The following PPIH variants were observed in gnomAD, a reference collection of about 807,000 sequenced individuals.
PPIH encodes the protein peptidylprolyl isomerase H.
A neutral mutation model predicts 27.6 loss-of-function variants in PPIH; 16 were observed. That is an observed-to-expected ratio of 0.58 (90% CI 0.39 to 0.88). The LOEUF (loss-of-function observed/expected upper bound fraction) is 0.88, where lower values mean the gene tolerates loss of function less well. PPIH is among the 40% of genes least tolerant of loss of function. The pLI is 0.00. For missense variants in PPIH, 155 were observed against 224.1 expected (o/e 0.69, Z 1.97); for synonymous variants, 63 against 76.1 (o/e 0.83, Z 0.90).
At chr1:42,665,875 G>GA (rs1228323208) in intron 6 of PPIH, 105 bp from the exon 7 acceptor site, 11 of 941,380 alleles carry the variant, frequency 1.2e-5, no homozygotes, top group South Asian at 8.2e-5. Context: ...TAGATTTACT[G>GA]AAAAAAACCA....
In PPIH at chr1:42,658,451, C is replaced by A. The variant is rs371691239; in HGVS notation, c.5C>A (p.Ala2Glu). The A allele has an allele frequency of 6.2e-7, 1 of 1,613,772 alleles. No homozygotes were observed. Among genetic ancestry groups the A allele is most frequent in the African/African-American group, 1.3e-5 (1 of 74,924 alleles). M[A>E]VANSSPVNPV... ...TTCTGCTTCCGGGTCGGAGCCATGG[C>A]GGTGGCAAATTCAAGTCCTGTTAAC... The change falls in exon 1 of 10, where the codon GCG becomes GAG. Residue 2 changes from alanine (A) to glutamate (E), a missense_variant. Around this residue, in one of 2 missense-constraint regions of PPIH, gnomAD observed 59 missense variants for 48.8 expected, o/e 1.21. Coordinates refer to ENST00000304979, the MANE Select transcript of PPIH (RefSeq NM_006347.4).
intron 9 of PPIH, among the ~76,000 whole-genome samples, chr1:42,673,800 T>G (rs1649756813): frequency 6.6e-6 from 1 of 152,234 alleles, no homozygotes; most frequent in South Asian, 2.1e-4. Flanking sequence ...TTATTACAGC[T>G]TATAGTGAGG....
At chr1:42,672,343 A>G (rs1649682603) in intron 9 of PPIH, among the ~76,000 whole-genome samples, 1 of 151,956 alleles carries the variant, frequency 6.6e-6, no homozygotes, top group Non-Finnish European at 1.5e-5. Context: ...TCAATAGGGG[A>G]TAAGAGTCTA....
chr1:42,675,867 C>CA (rs925766581), intron 9 of PPIH, among the ~76,000 whole-genome samples: 89 of 152,246 alleles, frequency 5.8e-4, no homozygotes, highest in African/African-American at 2.1e-3. Context: ...CAGAGTCTGA[C>CA]AAAAAGGACA....
chr1:42,665,762 G>C (rs971879627), intron 6 of PPIH, among the ~76,000 whole-genome samples: 7 of 152,030 alleles, frequency 4.6e-5, no homozygotes, highest in African/African-American at 1.7e-4. Context: ...AGGTGGGGAG[G>C]ATTGCTTGAG....
chr1:42,659,437 A>G, intron 3 of PPIH, 85 bp from the exon 4 acceptor site: 1 of 1,614,030 alleles, frequency 6.2e-7, no homozygotes, highest in Non-Finnish European at 8.5e-7. Flanking sequence ...TCTTTAGGAG[A>G]GTCCTTTTGG....
In PPIH at chr1:42,665,957, CAGGTAT is replaced by C. The variant is rs1557514792; in HGVS notation, c.337-21_337-16del. The C allele has an allele frequency of 6.3e-7, 1 of 1,596,770 alleles. No individual in the cohort carries two copies. On this transcript the variant is annotated splice_polypyrimidine_tract_variant and intron_variant, in intron 6 of 9. Coordinates refer to ENST00000304979, the MANE Select transcript of PPIH (RefSeq NM_006347.4). ...CTAACATGGCCGGGGAAACTTACTGCAGGTATATTTGGTTTCCATCAGGCGAACAGT... is the reference window on the plus strand; with the variant it reads ...CTAACATGGCCGGGGAAACTTACTGCATTTGGTTTCCATCAGGCGAACAGT...
chr1:42,664,020 A>G (rs1649194696), intron 5 of PPIH, among the ~76,000 whole-genome samples: 1 of 152,198 alleles, frequency 6.6e-6, no homozygotes, highest in African/African-American at 2.4e-5. Flanking sequence ...CACATGAAAA[A>G]TGGGGAAGAT....
In PPIH at chr1:42,666,396, A is replaced by G. The variant is rs1438392131; in HGVS notation, c.425-151A>G. On this transcript the variant is annotated intron_variant, in intron 7 of 9. Coordinates refer to ENST00000304979, the MANE Select transcript of PPIH (RefSeq NM_006347.4). The stretch of plus-strand genomic sequence containing the variant: ...TGAGCCCTAACTCTACTTATTACCT[A>G]TGACCTTGAGCAAGTCATTTCACCT... 8 of 751,778 alleles carry G rather than the reference A, an allele frequency of 1.1e-5. No homozygotes were observed. In the South Asian group the frequency reaches 1.2e-4, roughly 11 times the overall value. 46.6% of individuals were successfully genotyped at this position (751,778 alleles called of 1,614,324 possible).
At chr1:42,672,655 T>G (rs1419231423) in intron 9 of PPIH, among the ~76,000 whole-genome samples, 3 of 152,166 alleles carry the variant, frequency 2.0e-5, no homozygotes, top group Non-Finnish European at 4.4e-5. Flanking sequence ...GTACAATTTT[T>G]TTTTTTTTTA....
At position 42,667,441 on chromosome 1, in the gene PPIH, G is replaced by C. The variant is rs1557516318; in HGVS notation, c.*21+1G>C. The C allele has an allele frequency of 1.9e-6, 3 of 1,562,930 alleles. No individual in the cohort carries two copies. The highest frequency in any genetic ancestry group is 2.6e-6 in the Non-Finnish European group (3 of 1,133,702). ...GTAGTCCAGACAAAGACTGAATCAG[G>C]TAAGTGTGTCTTTCTCCTATTAGGT... is the stretch of plus-strand genomic sequence containing the variant. On this transcript the variant is annotated splice_donor_variant, in intron 9 of 9. Coordinates refer to ENST00000304979, the MANE Select transcript of PPIH (RefSeq NM_006347.4). LOFTEE classifies it low-confidence loss of function (3UTR_SPLICE).
chr1:42,660,688 C>T (rs977374142), intron 4 of PPIH, among the ~76,000 whole-genome samples, 174 bp from the exon 5 acceptor site: 2 of 152,182 alleles, frequency 1.3e-5, no homozygotes, highest in African/African-American at 4.8e-5. Context: ...CCTCGGCCTC[C>T]CAAACTGCTG....
chr1:42,671,048 G>A (rs1310855251), intron 9 of PPIH, among the ~76,000 whole-genome samples: 1 of 151,998 alleles, frequency 6.6e-6, no homozygotes, highest in African/African-American at 2.4e-5. Flanking sequence ...TGCTCATCTT[G>A]GCCTCCCAAA....
chr1:42,658,563 G>C (rs937696538), intron 1 of PPIH, 51 bp downstream of exon 1: 1 of 1,569,706 alleles, frequency 6.4e-7, no homozygotes, highest in Non-Finnish European at 8.8e-7. Context: ...ACTGCTCGGG[G>C]CTAGGCAGGC....
At chr1:42,677,759 G>T (rs1243037108), downstream of PPIH, among the ~76,000 whole-genome samples, 1 of 151,830 alleles carries the variant, frequency 6.6e-6, no homozygotes, top group Non-Finnish European at 1.5e-5. Flanking sequence ...TAGGAGTTTG[G>T]TGTTGCAGTG....
intron 5 of PPIH, among the ~76,000 whole-genome samples, chr1:42,661,107 TTTGA>T (rs1480901902): frequency 1.2e-4 from 18 of 152,216 alleles, no homozygotes; most frequent in African/African-American, 3.9e-4. Context: ...ACTTTAGCAC[TTTGA>T]TTGAGGCATT....
chr1:42,673,104 C>T (rs917354210), intron 9 of PPIH, among the ~76,000 whole-genome samples: 10 of 152,076 alleles, frequency 6.6e-5, no homozygotes, highest in African/African-American at 2.4e-4. Context: ...AAGTGTTCCT[C>T]CCACCTCAGC....
chr1:42,672,750 G>A (rs1272230529), intron 9 of PPIH, among the ~76,000 whole-genome samples: 3 of 151,820 alleles, frequency 2.0e-5, no homozygotes, highest in Non-Finnish European at 2.9e-5. Context: ...AGGTTCAAGC[G>A]ATTCTCATGC....
At chr1:42,673,237 A>G (rs1195066742) in intron 9 of PPIH, among the ~76,000 whole-genome samples, 3 of 152,108 alleles carry the variant, frequency 2.0e-5, no homozygotes, top group Non-Finnish European at 4.4e-5. Context: ...TTCCCACCTC[A>G]GCCTCCCAAA....
Sources: gnomAD v4.1 joint callset for allele counts (sites outside exome capture counted in the v4.1 genomes callset) on GRCh38, gnomAD v4.1.1 for gene constraint, gnomAD v4.1.1 regional missense constraint, MANE v1.5 for transcripts, NCBI Gene and HGNC (gene_info 2026-07-23, HGNC 2026-07-21) for gene names.